Variants in CHST8 observed in about 807,000 individuals in gnomAD.
CHST8 encodes carbohydrate sulfotransferase 8.
Under a neutral mutation model 15.0 loss-of-function variants are expected in CHST8, and 10 were observed. That is an observed-to-expected ratio of 0.67 (90% CI 0.41 to 1.13). CHST8 has a LOEUF of 1.13. Ranked by LOEUF, CHST8 falls within the 50% of genes most tolerant of loss-of-function variation. The pLI is 0.00. For missense variants in CHST8, 634 were observed against 608.2 expected, an observed-to-expected ratio of 1.04 and a Z score of -0.45; for synonymous variants, 259 against 256.6, an observed-to-expected ratio of 1.01 and a Z score of -0.09.
intron 3 of CHST8, among the ~76,000 whole-genome samples, chr19:33,762,686 G>A (rs761887415): frequency 4.7e-4 from 72 of 152,360 alleles, no homozygotes; most frequent in Middle Eastern, 3.4e-3. Context: ...AATGGGCTCT[G>A]GCTCTGCCCC....
At position 33,700,355 on chromosome 19, in the gene CHST8, A is replaced by T. The variant is rs190070891; in HGVS notation, c.130+10964A>T. Among the ~76,000 whole-genome samples, 6 of 152,344 alleles carry T rather than the reference A, an allele frequency of 3.9e-5. No homozygotes were observed. In the East Asian group the frequency reaches 1.2e-3, roughly 29 times the overall value. ...GGCAATACATTATCTCAAAATCAGC[A>T]GGGCTGGAACTCTCAGAACCCAGTG... On this transcript the variant is annotated intron_variant, in intron 3 of 4. Transcript: ENST00000650847.
At chr19:33,674,569 C>T (rs1379961716) in intron 2 of CHST8, among the ~76,000 whole-genome samples, 1 of 152,176 alleles carries the variant, frequency 6.6e-6, no homozygotes, top group African/African-American at 2.4e-5. Flanking sequence ...CACTAATGAT[C>T]GTGGAAAATT....
At chr19:33,634,440 T>G (rs1432819353) in intron 1 of CHST8, among the ~76,000 whole-genome samples, 1 of 152,170 alleles carries the variant, frequency 6.6e-6, no homozygotes, top group East Asian at 1.9e-4. Context: ...TGGAAACGTC[T>G]GGCAGTGCTT....
chr19:33,662,393 G>A lies in CHST8; in HGVS notation c.-163-5374G>A, dbSNP rs117163019. Among the ~76,000 whole-genome samples the A allele has an allele frequency of 1.9e-3, 288 of 152,246 alleles. 5 individuals are homozygous for A. In the East Asian group the frequency reaches 0.025, roughly 13 times the overall value. The stretch of plus-strand genomic sequence containing the variant: ...GCACCCAGCTTGAAAGGACAATTTC[G>A]TACATCACTCCACACCCAGCTACAT... On this transcript the variant is annotated intron_variant, in intron 1 of 4. Coordinates refer to ENST00000650847, the MANE Select transcript of CHST8 (RefSeq NM_001127895.2).
intron 3 of CHST8, among the ~76,000 whole-genome samples, chr19:33,727,812 C>CTCT (rs1295863497): frequency 2.0e-5 from 3 of 152,264 alleles, no homozygotes; most frequent in Non-Finnish European, 4.4e-5. Flanking sequence ...CCAGGCCAGC[C>CTCT]TCTGTGTGGC....
chr19:33,691,256 A>T (rs1262683755), intron 3 of CHST8, among the ~76,000 whole-genome samples: 1 of 152,140 alleles, frequency 6.6e-6, no homozygotes, highest in Non-Finnish European at 1.5e-5. Flanking sequence ...CTGGCAGGGG[A>T]TGTCAGATGG....
At chr19:33,679,575 C>T (rs988369738) in intron 2 of CHST8, among the ~76,000 whole-genome samples, 18 of 152,212 alleles carry the variant, frequency 1.2e-4, no homozygotes, top group African/African-American at 4.3e-4. Context: ...AAACTTTCTG[C>T]GTGTTCCTCT....
At chr19:33,682,465 A>G (rs1972907745) in intron 2 of CHST8, among the ~76,000 whole-genome samples, 1 of 152,142 alleles carries the variant, frequency 6.6e-6, no homozygotes, top group South Asian at 2.1e-4. Context: ...GGCATTAATT[A>G]CATTCACATT....
chr19:33,654,505 G>A (rs1972485502), intron 1 of CHST8, among the ~76,000 whole-genome samples: 1 of 152,084 alleles, frequency 6.6e-6, no homozygotes, highest in Non-Finnish European at 1.5e-5. Flanking sequence ...TTGTGGAGAT[G>A]TTGCTTCAGA....
At chr19:33,684,967 G>T (rs1972950686) in intron 2 of CHST8, 1 of 152,290 alleles carries the variant, frequency 6.6e-6, no homozygotes, top group South Asian at 2.1e-4. Flanking sequence ...GTTCTCTCCT[G>T]CCCGTGTGGT....
At chr19:33,631,331 CGT>C (rs956208539) in intron 1 of CHST8, among the ~76,000 whole-genome samples, 2 of 152,188 alleles carry the variant, frequency 1.3e-5, no homozygotes, top group Non-Finnish European at 2.9e-5. Flanking sequence ...ACTCAGCTTT[CGT>C]GTGTCTGTTT....
chr19:33,657,126 TACACACACACACACAC>T (rs530334678), intron 1 of CHST8, among the ~76,000 whole-genome samples: 2 of 127,820 alleles, frequency 1.6e-5, no homozygotes, highest in African/African-American at 5.4e-5. Flanking sequence ...TTTGCTTTAT[TACACACACACACACAC>T]ACACACACAC....
intron 3 of CHST8, among the ~76,000 whole-genome samples, chr19:33,690,865 C>T (rs1973088603): frequency 6.6e-6 from 1 of 152,264 alleles, no homozygotes; most frequent in African/African-American, 2.4e-5. Context: ...CATGTGTTAT[C>T]TGCATAGAAG....
intron 1 of CHST8, among the ~76,000 whole-genome samples, chr19:33,630,467 G>A (rs1387255323): frequency 1.3e-5 from 2 of 151,630 alleles, no homozygotes; most frequent in Admixed American, 6.6e-5. Flanking sequence ...GGTGGGGCCA[G>A]TGCATGGGGC....
intron 3 of CHST8, among the ~76,000 whole-genome samples, chr19:33,711,088 T>A (rs1304488219): frequency 6.6e-6 from 1 of 152,116 alleles, no homozygotes; most frequent in Non-Finnish European, 1.5e-5. Context: ...TCTAGGCTGG[T>A]CTTGAACTCC....
chr19:33,772,966 C>G lies in CHST8; in HGVS notation c.1178C>G (p.Ala393Gly). ...GCGAGGATCGCCCACCAGTACTTCG[C>G]CCAACTCTCGGCCCTGCAAAGGCAG... ...TTARIAHQYF[A>G]QLSALQRQRT... Residue 393 changes from alanine (A) to glycine (G), a missense_variant, in exon 5 of 5, where the codon GCC (alanine) becomes GGC (glycine). Transcript: ENST00000650847. 1 of 1,613,644 alleles carries G rather than the reference C, an allele frequency of 6.2e-7. No homozygotes were observed. Among genetic ancestry groups the G allele is most frequent in the Non-Finnish European group, 8.5e-7 (1 of 1,180,038 alleles).
intron 3 of CHST8, among the ~76,000 whole-genome samples, chr19:33,740,631 GCT>G (rs879486226): frequency 1.3e-5 from 2 of 152,288 alleles, no homozygotes; most frequent in Middle Eastern, 3.4e-3. Context: ...CTCTGTTTCA[GCT>G]CTCTGTTTCA....
At chr19:33,725,366 A>G (rs1973874192) in intron 3 of CHST8, among the ~76,000 whole-genome samples, 1 of 152,082 alleles carries the variant, frequency 6.6e-6, no homozygotes, top group East Asian at 1.9e-4. Flanking sequence ...GTCCTAATCC[A>G]AATCTGAAAT....
intron 3 of CHST8, among the ~76,000 whole-genome samples, chr19:33,711,749 A>G (rs1184599032): frequency 6.6e-6 from 1 of 152,114 alleles, no homozygotes; most frequent in African/African-American, 2.4e-5. Flanking sequence ...ATCGTGCCTC[A>G]GCCTCCCGAG....
Sources: allele counts gnomAD v4.1 joint callset (sites outside exome capture counted in the v4.1 genomes callset), GRCh38; gene constraint gnomAD v4.1.1; transcripts MANE v1.5; gene names NCBI Gene and HGNC (gene_info 2026-07-23, HGNC 2026-07-21).